SLIT2: variants seen among roughly 807,000 people sequenced by gnomAD.
SLIT2 encodes the protein slit guidance ligand 2.
Under a neutral mutation model 185.7 loss-of-function variants are expected in SLIT2, and 41 were observed. The ratio of observed to expected loss-of-function variants is 0.22; its 90% CI spans 0.17 to 0.29. The LOEUF (loss-of-function observed/expected upper bound fraction) is 0.29. Among genes scored for constraint, SLIT2 ranks in the 10% least tolerant of loss-of-function variants. SLIT2 has a pLI of 1.00. For synonymous variants in SLIT2, 693 were observed against 680.2 expected (o/e 1.02, Z -0.29); for missense variants, 1,571 against 1,909.0 (o/e 0.82, Z 3.30).
chr4:20,424,847 C>T (rs1419987552), intron 4 of SLIT2, among the ~76,000 whole-genome samples: 2 of 152,066 alleles, frequency 1.3e-5, no homozygotes, highest in East Asian at 3.8e-4. Context: ...ATCAATCCAC[C>T]TCAGTACCGT....
At chr4:20,458,075 A>C (rs567649700) in intron 4 of SLIT2, among the ~76,000 whole-genome samples, 1 of 144,722 alleles carries the variant, frequency 6.9e-6, no homozygotes, top group African/African-American at 2.6e-5. Flanking sequence ...GACCTGTCCC[A>C]GTACACATTA....
At chr4:20,490,902 C>T in intron 8 of SLIT2, 1 of 1,040,802 alleles carries the variant, frequency 9.6e-7, no homozygotes, top group South Asian at 1.4e-5. Context: ...TGGCTTGCAG[C>T]CTCTTCCTGG....
chr4:20,338,040 G>A (rs2109222329), intron 4 of SLIT2, among the ~76,000 whole-genome samples: 1 of 152,144 alleles, frequency 6.6e-6, no homozygotes, highest in East Asian at 1.9e-4. Context: ...ATTTGAAAAG[G>A]GATGTTCATT....
In SLIT2 at chr4:20,445,248, G is replaced by A. The variant is rs987024365; in HGVS notation, c.396-22504G>A. Among the ~76,000 whole-genome samples, 6 of 152,214 alleles carry A rather than the reference G, an allele frequency of 3.9e-5. 1 individual carries two copies. The highest frequency in any genetic ancestry group is 2.6e-4 in the Admixed American group (4 of 15,304). On this transcript the variant is annotated intron_variant, in intron 4 of 36. Coordinates refer to ENST00000504154, the MANE Select transcript of SLIT2 (RefSeq NM_004787.4). Reference sequence around the variant, plus strand: ...ATGTGCTTGCAGACTATTCTTTCCAGTCTTGTTTTTATATTAATGTGTTAC... The same window carrying A: ...ATGTGCTTGCAGACTATTCTTTCCAATCTTGTTTTTATATTAATGTGTTAC...
At chr4:20,522,713 G>A (rs1720941472) in intron 12 of SLIT2, among the ~76,000 whole-genome samples, 1 of 152,012 alleles carries the variant, frequency 6.6e-6, no homozygotes. Context: ...GGGGAATTAT[G>A]TTAAAAAGTT....
Position 20,541,564 on chromosome 4 carries a change from C to T in SLIT2, c.2088C>T (p.Phe696=). The T allele has an allele frequency of 6.2e-7, 1 of 1,614,014 alleles. No individual in the cohort carries two copies. The highest frequency in any genetic ancestry group is 8.5e-7 in the Non-Finnish European group (1 of 1,179,900). The change falls in exon 20 of 37, where the codon TTC becomes TTT. Residue 696 remains phenylalanine, a synonymous_variant. Coordinates refer to ENST00000504154, the MANE Select transcript of SLIT2 (RefSeq NM_004787.4). ...TGNPRCQKPY[F]LKEIPIQDVA... is the part of the protein sequence containing the mutation. ...ATCCTAGATGTCAAAAACCATACTTCCTGAAAGAAATACCCATCCAGGATG... is the reference window on the plus strand; with the variant it reads ...ATCCTAGATGTCAAAAACCATACTTTCTGAAAGAAATACCCATCCAGGATG...
At chr4:20,372,340 C>T (rs543770629) in intron 4 of SLIT2, among the ~76,000 whole-genome samples, 2 of 150,234 alleles carry the variant, frequency 1.3e-5, no homozygotes, top group South Asian at 4.2e-4. Context: ...TCTCTAGAGG[C>T]GTGATTATTG....
chr4:20,573,938 T>TTTTTTTTATTTA (rs138792373), intron 29 of SLIT2, among the ~76,000 whole-genome samples: 27 of 140,766 alleles, frequency 1.9e-4, no homozygotes, highest in Non-Finnish European at 3.8e-4. Flanking sequence ...CATAGAATTA[T>TTTTTTTTATTTA]TTTATTTATT....
At position 20,581,993 on chromosome 4, in the gene SLIT2, C is replaced by T. The variant is rs554605656; in HGVS notation, c.3089-7651C>T. Among the ~76,000 whole-genome samples the T allele has an allele frequency of 9.1e-4, 139 of 152,312 alleles. 1 individual carries two copies. The South Asian group carries it at 0.028, about 31-fold the overall frequency. The stretch of plus-strand genomic sequence containing the variant: ...AACTCCTGACCTCAGGTGATCTGCT[C>T]GCCTTGGCCTCCCAAAGTGCTGGGA... On this transcript the variant is annotated intron_variant, in intron 29 of 36. Transcript: ENST00000504154.
chr4:20,257,972 A>G (rs544899178), intron 3 of SLIT2, 33 bp downstream of exon 3: 45 of 1,011,554 alleles, frequency 4.4e-5, no homozygotes, highest in Admixed American at 2.1e-4. Context: ...TTATGACAAC[A>G]TAACTGTGTT....
At chr4:20,497,546 G>A (rs1718335500) in intron 9 of SLIT2, among the ~76,000 whole-genome samples, 2 of 152,154 alleles carry the variant, frequency 1.3e-5, no homozygotes, top group Admixed American at 1.3e-4. Flanking sequence ...TTAAGATACA[G>A]GATTGTTTGC....
intron 1 of SLIT2, among the ~76,000 whole-genome samples, chr4:20,256,263 C>T (rs1711814387): frequency 6.6e-6 from 1 of 151,264 alleles, no homozygotes; most frequent in Non-Finnish European, 1.5e-5. Flanking sequence ...AAATTTCTTC[C>T]TGAATAGCAT....
chr4:20,347,339 T>G (rs1387626465), intron 4 of SLIT2, among the ~76,000 whole-genome samples: 4 of 152,260 alleles, frequency 2.6e-5, no homozygotes, highest in Non-Finnish European at 5.9e-5. Flanking sequence ...TAACTCACTT[T>G]GCCAAATATT....
chr4:20,356,578 C>T (rs184869350), intron 4 of SLIT2, among the ~76,000 whole-genome samples: 1 of 152,284 alleles, frequency 6.6e-6, no homozygotes, highest in East Asian at 1.9e-4. Context: ...TTTAAAAGAA[C>T]ATAGAGAATA....
rs1189611261 is a variant in SLIT2 at position 20,256,691 on chromosome 4, A to G, written c.199A>G (p.Ile67Val). ...TERLDLNGNN[I>V]TRITKTDFAG... ...TCTTAGGGATTTAAATGGAAATAAC[A>G]TCACAAGAATTACGAAGACAGATTT... Residue 67 changes from isoleucine (I) to valine (V), a missense_variant, in exon 2 of 37, where the codon ATC (isoleucine) becomes GTC (valine). Transcript: ENST00000504154. The G allele has an allele frequency of 1.3e-6, 2 of 1,571,268 alleles. No individual in the cohort carries two copies. Among genetic ancestry groups the G allele is most frequent in the Non-Finnish European group, 1.7e-6 (2 of 1,147,336 alleles).
chr4:20,529,866 T>C (rs1463125615), intron 16 of SLIT2, among the ~76,000 whole-genome samples: 1 of 152,218 alleles, frequency 6.6e-6, no homozygotes, highest in Non-Finnish European at 1.5e-5. Flanking sequence ...CACCATCTGG[T>C]ATTTGTCATT....
chr4:20,502,434 G>A (rs1354832575), intron 9 of SLIT2, among the ~76,000 whole-genome samples: 5 of 152,160 alleles, frequency 3.3e-5, no homozygotes, highest in Non-Finnish European at 5.9e-5. Context: ...ATGGATGAAA[G>A]GGGACAGTCT....
chr4:20,280,047 T>C (rs1470573834), intron 4 of SLIT2, among the ~76,000 whole-genome samples: 1 of 152,050 alleles, frequency 6.6e-6, no homozygotes, highest in Non-Finnish European at 1.5e-5. Flanking sequence ...CCAAAAGGCT[T>C]TTACAGCTGG....
At chr4:20,413,858 T>A (rs1310626500) in intron 4 of SLIT2, among the ~76,000 whole-genome samples, 1 of 152,076 alleles carries the variant, frequency 6.6e-6, no homozygotes, top group Non-Finnish European at 1.5e-5. Context: ...TTGTTTTGTT[T>A]TTCCATTCTG....
Sources: allele counts gnomAD v4.1 joint callset (sites outside exome capture counted in the v4.1 genomes callset), GRCh38; gene constraint gnomAD v4.1.1; transcripts MANE v1.5; gene names NCBI Gene and HGNC (gene_info 2026-07-23, HGNC 2026-07-21).